SIAH2: variants seen among roughly 807,000 people sequenced by gnomAD.
The protein encoded by SIAH2 is siah E3 ubiquitin protein ligase 2, also known as E3 ubiquitin-protein ligase SIAH2.
In SIAH2, 4 loss-of-function variants were observed where a neutral mutation model predicts 20.4. That is an observed-to-expected ratio of 0.20 (90% confidence interval 0.10 to 0.45). The LOEUF (loss-of-function observed/expected upper bound fraction) is 0.45. SIAH2 is among the 20% of genes least tolerant of loss of function. The pLI is 0.99. For missense variants in SIAH2, 259 were observed against 440.3 expected (o/e 0.59, Z 3.69); for synonymous variants, 171 against 192.5 (o/e 0.89, Z 0.93).
At chr3:150,743,530 G>C (rs1302922163) in intron 1 of SIAH2, among the ~76,000 whole-genome samples, 9 of 152,194 alleles carry the variant, frequency 5.9e-5, no homozygotes, top group African/African-American at 2.2e-4. Context: ...TCATGGTCAG[G>C]TATGTCAGGT....
intron 1 of SIAH2, among the ~76,000 whole-genome samples, chr3:150,759,490 C>T (rs1206842384): frequency 6.6e-6 from 1 of 152,138 alleles, no homozygotes; most frequent in Non-Finnish European, 1.5e-5. Flanking sequence ...TCCAACCAGA[C>T]GGTTTTGTTA....
At chr3:150,749,753 G>A (rs1476635221) in intron 1 of SIAH2, among the ~76,000 whole-genome samples, 2 of 152,334 alleles carry the variant, frequency 1.3e-5, no homozygotes, top group East Asian at 3.9e-4. Context: ...TTTGCAATGA[G>A]AAATGAATTG....
At position 150,742,660 on chromosome 3, in the gene SIAH2, C is replaced by G. The variant is rs142360179; in HGVS notation, c.456G>C (p.Thr152=). 598 of 1,574,326 alleles carry G rather than the reference C, an allele frequency of 3.8e-4. 3 individuals are homozygous for G. Among genetic ancestry groups the G allele is most frequent in the Non-Finnish European group, 4.8e-4 (553 of 1,157,760 alleles). ...TTGCSLTLHH[T]EKPEHEDICE... ...ATATGTCTTCATGTTCTGGTTTCTC[C>G]GTATGGTGCAGGGTCAGGGAACAGC... Residue 152 remains threonine (T), a synonymous_variant, in exon 2 of 2, where the codon ACG becomes ACC. Coordinates refer to ENST00000312960, the MANE Select transcript of SIAH2 (RefSeq NM_005067.7). The surrounding 1 kb of genome is among the most constrained non-coding windows in gnomAD (Gnocchi z 4.8).
At chr3:150,749,861 T>G (rs1714319709) in intron 1 of SIAH2, among the ~76,000 whole-genome samples, 1 of 152,200 alleles carries the variant, frequency 6.6e-6, no homozygotes, top group Non-Finnish European at 1.5e-5. Flanking sequence ...GACAAGTCTG[T>G]GGCCTTGGCA....
intron 1 of SIAH2, among the ~76,000 whole-genome samples, chr3:150,758,942 T>A (rs1411411537): frequency 1.3e-5 from 2 of 151,864 alleles, no homozygotes; most frequent in Admixed American, 1.3e-4. Flanking sequence ...ACGGGGTTTC[T>A]CCATGTTGGT....
At chr3:150,759,331 C>T (rs1714553754) in intron 1 of SIAH2, among the ~76,000 whole-genome samples, 1 of 152,126 alleles carries the variant, frequency 6.6e-6, no homozygotes, top group Non-Finnish European at 1.5e-5. Context: ...TGTGATGATA[C>T]CCCACAAAAT....
chr3:150,755,851 C>T (rs746812323), intron 1 of SIAH2, among the ~76,000 whole-genome samples: 4 of 152,024 alleles, frequency 2.6e-5, no homozygotes, highest in Non-Finnish European at 5.9e-5. Flanking sequence ...GGGGTTTCAC[C>T]ATGGTGGTCA....
Position 150,742,765 on chromosome 3 carries a change from G to A in SIAH2, c.418-67C>T, listed in dbSNP as rs376697845. 3.0e-6 allele frequency: 4 copies of A among 1,350,504 alleles called. No homozygotes were observed. The East Asian group carries it at 7.0e-5, about 24-fold the overall frequency. 83.7% of individuals were successfully genotyped at this position (1,350,504 alleles called of 1,614,324 possible). A position where few individuals can be genotyped will look rare whatever the true frequency, so the allele number is the denominator to read the frequency against. ...AACTTCTATTGCTTCAACCCTCTATGAGTACTTAACTACTCCATTTTCCTG... is the reference window on the plus strand; with the variant it reads ...AACTTCTATTGCTTCAACCCTCTATAAGTACTTAACTACTCCATTTTCCTG... On this transcript the variant is annotated intron_variant, in intron 1 of 1. Transcript: ENST00000312960. The surrounding 1 kb of genome is among the most constrained non-coding windows in gnomAD (Gnocchi z 4.8).
At chr3:150,750,788 G>A (rs1714340565) in intron 1 of SIAH2, among the ~76,000 whole-genome samples, 2 of 152,102 alleles carry the variant, frequency 1.3e-5, no homozygotes, top group Non-Finnish European at 2.9e-5. Flanking sequence ...TCCTTTTGAT[G>A]GCTGTATGTT....
chr3:150,742,739 A>C lies in SIAH2; in HGVS notation c.418-41T>G, dbSNP rs746424385. The C allele has an allele frequency of 6.7e-7, 1 of 1,493,520 alleles. No individual in the cohort carries two copies. The highest frequency in any genetic ancestry group is 9.0e-7 in the Non-Finnish European group (1 of 1,115,038). The allele number at this position is 1,493,520 out of a possible 1,614,324, so 92.5% of individuals were successfully genotyped here. On this transcript the variant is annotated intron_variant, in intron 1 of 1. Transcript: ENST00000312960. The surrounding 1 kb of genome is among the most constrained non-coding windows in gnomAD (Gnocchi z 4.8). ...TGCATTGAGCCATTGGGCCTTCTCA[A>C]AACTTCTATTGCTTCAACCCTCTAT...
At chr3:150,745,151 T>A (rs986367758) in intron 1 of SIAH2, among the ~76,000 whole-genome samples, 2 of 152,042 alleles carry the variant, frequency 1.3e-5, no homozygotes, top group African/African-American at 4.8e-5. Flanking sequence ...TGGCAATCTA[T>A]CCCTTCTCTT....
At chr3:150,750,978 T>C (rs1008137083) in intron 1 of SIAH2, among the ~76,000 whole-genome samples, 4 of 152,204 alleles carry the variant, frequency 2.6e-5, no homozygotes, top group African/African-American at 9.7e-5. Flanking sequence ...TTCAAGTTAA[T>C]CATGTTAAGG....
At chr3:150,744,442 C>A (rs1367503290) in intron 1 of SIAH2, among the ~76,000 whole-genome samples, 1 of 152,202 alleles carries the variant, frequency 6.6e-6, no homozygotes, top group African/African-American at 2.4e-5. Context: ...TGTAAAAAAA[C>A]TCACTCAGGA....
rs377280468 is a variant in SIAH2 at position 150,754,575 on chromosome 3, G to T, written c.417+7858C>A. 1.2e-3 allele frequency among the ~76,000 whole-genome samples: 178 copies of T among 152,104 alleles called. 2 individuals are homozygous for T. The highest frequency in any genetic ancestry group is 4.1e-3 in the African/African-American group (169 of 41,498). On this transcript the variant is annotated intron_variant, in intron 1 of 1. Coordinates refer to ENST00000312960, the MANE Select transcript of SIAH2 (RefSeq NM_005067.7). The stretch of plus-strand genomic sequence containing the variant: ...TCACCATCTCACTTGTTTTGTTTTT[G>T]TTTTTGTTTTTAAAGAAAAACTCCA...
In SIAH2 at chr3:150,762,146, C is replaced by T. The variant is rs1714629225; in HGVS notation, c.417+287G>A. On this transcript the variant is annotated intron_variant, in intron 1 of 1. Coordinates refer to ENST00000312960, the MANE Select transcript of SIAH2 (RefSeq NM_005067.7). The surrounding 1 kb of genome is among the most constrained non-coding windows in gnomAD (Gnocchi z 6.6). ...GCCCTACCGAGAGTACCCGAATACA[C>T]GTCTGCAGAGGACGCGGGCATTGGG... 2.3e-6 allele frequency: 1 copy of T among 438,238 alleles called. No homozygotes were observed. Among genetic ancestry groups the T allele is most frequent in the Non-Finnish European group, 4.0e-6 (1 of 249,362 alleles). 27.1% of individuals were successfully genotyped at this position (438,238 alleles called of 1,614,324 possible). A position where few individuals can be genotyped will look rare whatever the true frequency, so the allele number is the denominator to read the frequency against.
rs2108128922 is a variant in SIAH2 at position 150,762,923 on chromosome 3, C to T, written c.-74G>A. Reference sequence around the variant, plus strand: ...CCGCCCGGGTCAAGGCGGTGCGCGCCCCGCGGGCAGCGAGCTCCGAGGCAA... The same window carrying T: ...CCGCCCGGGTCAAGGCGGTGCGCGCTCCGCGGGCAGCGAGCTCCGAGGCAA... On this transcript the variant is annotated 5_prime_UTR_variant, in exon 1 of 2. Transcript: ENST00000312960. The surrounding 1 kb of genome is among the most constrained non-coding windows in gnomAD (Gnocchi z 6.6). The T allele has an allele frequency of 8.9e-7, 1 of 1,119,492 alleles. No homozygotes were observed. The highest frequency in any genetic ancestry group is 4.3e-5 in the South Asian group (1 of 23,280). 69.3% of individuals were successfully genotyped at this position (1,119,492 alleles called of 1,614,324 possible). A position where few individuals can be genotyped will look rare whatever the true frequency, so the allele number is the denominator to read the frequency against.
rs770825503 is a variant in SIAH2 at position 150,742,131 on chromosome 3, G to A, written c.*10C>T. 3.2e-5 allele frequency: 51 copies of A among 1,597,938 alleles called. No individual in the cohort carries two copies. The highest frequency in any genetic ancestry group is 4.1e-5 in the Non-Finnish European group (48 of 1,169,734). On this transcript the variant is annotated 3_prime_UTR_variant, in exon 2 of 2. Coordinates refer to ENST00000312960, the MANE Select transcript of SIAH2 (RefSeq NM_005067.7). This position sits in a 1 kb window ranked among gnomAD's most constrained non-coding sequence, Gnocchi z 4.8. Reference sequence around the variant, plus strand: ...TGCCCAAATAATTTTGAAGGTTTACGAAAGTCACATCATGGACAACATGTA... The same window carrying A: ...TGCCCAAATAATTTTGAAGGTTTACAAAAGTCACATCATGGACAACATGTA...
chr3:150,745,266 CA>C (rs2108117296), intron 1 of SIAH2, among the ~76,000 whole-genome samples: 1 of 151,904 alleles, frequency 6.6e-6, no homozygotes, highest in African/African-American at 2.4e-5. Flanking sequence ...CACACACACA[CA>C]CACACACACA....
At chr3:150,759,671 G>A (rs1468211852) in intron 1 of SIAH2, among the ~76,000 whole-genome samples, 2 of 151,228 alleles carry the variant, frequency 1.3e-5, no homozygotes, top group Admixed American at 1.3e-4. Flanking sequence ...TAACCACTCT[G>A]TAGGCATGAG....
Sources: allele counts gnomAD v4.1 joint callset (sites outside exome capture counted in the v4.1 genomes callset), GRCh38; gene constraint gnomAD v4.1.1; non-coding constraint Gnocchi (gnomAD v3.1); transcripts MANE v1.5; gene names NCBI Gene and HGNC (gene_info 2026-07-23, HGNC 2026-07-21).